Variants in MALT1 observed in about 807,000 individuals in gnomAD.
MALT1 encodes MALT1 paracaspase.
A neutral mutation model predicts 85.5 loss-of-function variants in MALT1; 36 were observed. That is an observed-to-expected ratio of 0.42 (90% CI 0.32 to 0.56). The LOEUF is 0.56. Ranked by LOEUF, MALT1 falls within the 20% of genes least tolerant of loss-of-function variation. MALT1 has a pLI of 0.10. For synonymous variants in MALT1, 359 were observed against 361.3 expected, an observed-to-expected ratio of 0.99 and a Z score of 0.07; for missense variants, 716 against 981.6, an observed-to-expected ratio of 0.73 and a Z score of 3.62.
chr18:58,744,564 CTT>C (rs1416279187), intron 15 of MALT1, 69 bp downstream of exon 15: 3 of 894,626 alleles, frequency 3.4e-6, no homozygotes, highest in Non-Finnish European at 5.0e-6. Flanking sequence ...TTTTTTAAAA[CTT>C]AAAGTTGATG....
chr18:58,678,651 C>A lies in MALT1; in HGVS notation c.210-2519C>A, dbSNP rs1158897538. Among the ~76,000 whole-genome samples the A allele has an allele frequency of 2.6e-5, 4 of 152,158 alleles. No homozygotes were observed. The East Asian group carries it at 7.7e-4, about 29-fold the overall frequency. The stretch of plus-strand genomic sequence containing the variant: ...TGACTGCTTAAGGCCCAAATCCAGG[C>A]TGCTACCCGTTTCATATAGCCCATG... On this transcript the variant is annotated intron_variant, in intron 1 of 16. Coordinates refer to ENST00000649217, the MANE Select transcript of MALT1 (RefSeq NM_006785.4).
chr18:58,672,715 A>G (rs927625483), intron 1 of MALT1: 1 of 152,374 alleles, frequency 6.6e-6, no homozygotes, highest in Admixed American at 6.5e-5. Flanking sequence ...AAAAAAGTCT[A>G]TTAGAGAAGT....
chr18:58,722,154 G>C (rs1029794828), intron 9 of MALT1, among the ~76,000 whole-genome samples: 2 of 150,078 alleles, frequency 1.3e-5, no homozygotes, highest in African/African-American at 2.5e-5. Flanking sequence ...AGTGGGTCTT[G>C]AGTTTTTAAC....
At chr18:58,703,295 T>TG (rs2054700535) in intron 4 of MALT1, among the ~76,000 whole-genome samples, 1 of 151,964 alleles carries the variant, frequency 6.6e-6, no homozygotes, top group Non-Finnish European at 1.5e-5. Context: ...GGGCGGAGGT[T>TG]GCAGTGAGCC....
Position 58,745,927 on chromosome 18 carries a change from CCT to C in MALT1, c.2037+137_2037+138del. On this transcript the variant is annotated intron_variant, in intron 16 of 16. Transcript: ENST00000649217. ...GTCTACAGAAGGTCCTATCAGTGACCCTTTTTATATTCTGTTTCCGATGGTGA... is the reference window on the plus strand; with the variant it reads ...GTCTACAGAAGGTCCTATCAGTGACCTTTTATATTCTGTTTCCGATGGTGA... 3 of 717,840 alleles carry C rather than the reference CCT, an allele frequency of 4.2e-6. No individual in the cohort carries two copies. The East Asian group carries it at 8.3e-5, about 20-fold the overall frequency. 44.5% of individuals were successfully genotyped at this position (717,840 alleles called of 1,614,324 possible). A position where few individuals can be genotyped will look rare whatever the true frequency, so the allele number is the denominator to read the frequency against.
intron 2 of MALT1, among the ~76,000 whole-genome samples, chr18:58,694,833 T>C (rs2054564166): frequency 6.6e-6 from 1 of 152,240 alleles, no homozygotes. Context: ...TGGAGGATCT[T>C]CTCAGATGGC....
intron 10 of MALT1, among the ~76,000 whole-genome samples, chr18:58,726,754 C>G (rs1221190123): frequency 6.6e-6 from 1 of 152,214 alleles, no homozygotes; most frequent in Middle Eastern, 3.2e-3. Flanking sequence ...ACCCTTTGGC[C>G]TGAGATCTAT....
chr18:58,717,075 G>A (rs2054911554), intron 9 of MALT1, among the ~76,000 whole-genome samples: 1 of 152,196 alleles, frequency 6.6e-6, no homozygotes, highest in Non-Finnish European at 1.5e-5. Flanking sequence ...AAAGATTGAG[G>A]AAAAGGCTGG....
intron 2 of MALT1, among the ~76,000 whole-genome samples, chr18:58,684,989 C>A (rs1429685251): frequency 6.6e-6 from 1 of 152,040 alleles, no homozygotes; most frequent in African/African-American, 2.4e-5. Flanking sequence ...ATAAAACAAT[C>A]GTTTCCACCT....
chr18:58,716,026 G>T, intron 9 of MALT1, 59 bp downstream of exon 9: 1 of 1,225,708 alleles, frequency 8.2e-7, no homozygotes, highest in Non-Finnish European at 1.2e-6. Flanking sequence ...ACTCCAGAAG[G>T]AATTTAAGAC....
In MALT1 at chr18:58,733,590, T is replaced by A; in HGVS notation, c.1400+16T>A. 1 of 1,544,946 alleles carries A rather than the reference T, an allele frequency of 6.5e-7. No homozygotes were observed. On this transcript the variant is annotated intron_variant, in intron 11 of 16. Coordinates refer to ENST00000649217, the MANE Select transcript of MALT1 (RefSeq NM_006785.4). ...GTAGGAAAAGGTAAGTTTTCTAATC[T>A]TTATTAAAGAATTGTTGGAGTTAAA...
At chr18:58,716,014 T>C (rs778448111) in intron 9 of MALT1, 47 bp downstream of exon 9, 8 of 1,343,664 alleles carry the variant, frequency 6.0e-6, no homozygotes, top group Non-Finnish European at 7.4e-6. Context: ...TTATTGTGTA[T>C]AACTCCAGAA....
chr18:58,739,075 A>G (rs1339993755), intron 13 of MALT1, among the ~76,000 whole-genome samples: 1 of 152,104 alleles, frequency 6.6e-6, no homozygotes, highest in East Asian at 1.9e-4. Flanking sequence ...TTCTGCAGCT[A>G]TGAAGAAGAA....
rs532818417 is a variant in MALT1 at position 58,685,593 on chromosome 18, G to A, written c.376+4257G>A. Among the ~76,000 whole-genome samples the A allele has an allele frequency of 1.1e-4, 16 of 152,292 alleles. No homozygotes were observed. In the South Asian group the frequency reaches 2.7e-3, roughly 26 times the overall value. ...CAGTCACTCAGCATGTAGTCTGAGT[G>A]TAAACTCACTCTGGAATTATAATTT... On this transcript the variant is annotated intron_variant, in intron 2 of 16. Transcript: ENST00000649217.
chr18:58,743,927 A>G (rs1485294475), intron 14 of MALT1, among the ~76,000 whole-genome samples: 1 of 152,198 alleles, frequency 6.6e-6, no homozygotes, highest in African/African-American at 2.4e-5. Flanking sequence ...TATAAATATT[A>G]ACTATGATAG....
chr18:58,733,866 A>G, intron 11 of MALT1: 1 of 1,175,092 alleles, frequency 8.5e-7, no homozygotes, highest in Non-Finnish European at 1.1e-6. Flanking sequence ...AATAATCACT[A>G]TAGTTATTCC....
At chr18:58,680,879 C>T (rs1029046922) in intron 1 of MALT1, among the ~76,000 whole-genome samples, 7 of 139,484 alleles carry the variant, frequency 5.0e-5, no homozygotes, top group African/African-American at 1.6e-4. Flanking sequence ...GCCGAGATTG[C>T]GCCACTGCAG....
At chr18:58,698,863 A>C (rs1481732837) in intron 3 of MALT1, among the ~76,000 whole-genome samples, 1 of 152,218 alleles carries the variant, frequency 6.6e-6, no homozygotes, top group Non-Finnish European at 1.5e-5. Context: ...TTGTTCATGC[A>C]GGCACCAGTG....
chr18:58,719,587 C>G (rs1239228573), intron 9 of MALT1, among the ~76,000 whole-genome samples: 2 of 152,190 alleles, frequency 1.3e-5, no homozygotes, highest in Non-Finnish European at 2.9e-5. Context: ...TATTATGTTG[C>G]TCAAAGAAAG....
Sources: allele counts gnomAD v4.1 joint callset (sites outside exome capture counted in the v4.1 genomes callset), GRCh38; gene constraint gnomAD v4.1.1; transcripts MANE v1.5; gene names NCBI Gene and HGNC (gene_info 2026-07-23, HGNC 2026-07-21).